The following UBP1 variants were observed in gnomAD, a reference collection of about 807,000 sequenced individuals.
UBP1 encodes the protein upstream binding protein 1.
Under a neutral mutation model 76.1 loss-of-function variants are expected in UBP1, and 22 were observed. The ratio of observed to expected loss-of-function variants is 0.29; its 90% CI spans 0.21 to 0.41. The LOEUF (loss-of-function observed/expected upper bound fraction) is 0.41. Ranked by LOEUF, UBP1 falls within the 10% of genes least tolerant of loss-of-function variation. UBP1 has a pLI of 1.00. For missense variants in UBP1, 436 were observed against 668.1 expected, an observed-to-expected ratio of 0.65 and a Z score of 3.83; for synonymous variants, 224 against 237.1, an observed-to-expected ratio of 0.94 and a Z score of 0.51.
At chr3:33,440,432 G>A (rs1235269450), upstream of UBP1, 14 of 14,488 alleles carry the variant, frequency 9.7e-4, no homozygotes, top group East Asian at 0.011. Context: ...CCCCGACCCC[G>A]CCCCGGCGTT....
At position 33,400,256 on chromosome 3, in the gene UBP1, C is replaced by T; in HGVS notation, c.1113G>A (p.Gln371=). The T allele has an allele frequency of 1.2e-6, 2 of 1,600,828 alleles. No homozygotes were observed. Among genetic ancestry groups the T allele is most frequent in the South Asian group, 1.1e-5 (1 of 87,592 alleles). Residue 371 remains glutamine (Q), a synonymous_variant, in exon 11 of 16, where the codon CAG becomes CAA. Transcript: ENST00000283629. The part of the protein sequence containing the change: ...GEQIQPSATI[Q]ETQQWLLKNR... ...TTTTGAGCAGCCATTGCTGTGTTTC[C>T]TGGATCGTAGCTGAAGGCTGAATTT...
intron 3 of UBP1, 46 bp from the exon 4 acceptor site, chr3:33,412,873 T>A: frequency 8.0e-7 from 1 of 1,254,206 alleles, no homozygotes; most frequent in Non-Finnish European, 1.2e-6. Flanking sequence ...CTGCTCCAGC[T>A]AAAATGCAGG....
chr3:33,394,473 A>G (rs2043890397), intron 13 of UBP1, among the ~76,000 whole-genome samples: 1 of 151,778 alleles, frequency 6.6e-6, no homozygotes. Context: ...AAGCTAATAT[A>G]AACAATGAAG....
chr3:33,429,261 C>G lies in UBP1; in HGVS notation c.114-3520G>C, dbSNP rs535377322. Among the ~76,000 whole-genome samples, 17 of 152,242 alleles carry G rather than the reference C, an allele frequency of 1.1e-4. No individual in the cohort carries two copies. In the South Asian group the frequency reaches 3.5e-3, roughly 32 times the overall value. Reference sequence around the variant, plus strand: ...TTCTACTATGTTGAAAGTCCTAAAACCTTGATGGTTTTTGTAATCCCATAA... The same window carrying G: ...TTCTACTATGTTGAAAGTCCTAAAAGCTTGATGGTTTTTGTAATCCCATAA... On this transcript the variant is annotated intron_variant, in intron 1 of 15. Transcript: ENST00000283629.
chr3:33,416,150 G>A (rs1449426460), intron 3 of UBP1: 1 of 152,168 alleles, frequency 6.6e-6, no homozygotes, highest in Non-Finnish European at 1.5e-5. Flanking sequence ...CTAACACTTA[G>A]TTAGCCACAT....
Position 33,390,321 on chromosome 3 carries a change from A to G in UBP1, c.*10T>C, listed in dbSNP as rs1559661204. 1.9e-6 allele frequency: 3 copies of G among 1,613,714 alleles called. No homozygotes were observed. The highest frequency in any genetic ancestry group is 1.3e-5 in the African/African-American group (1 of 75,058). On this transcript the variant is annotated 3_prime_UTR_variant, in exon 16 of 16. Coordinates refer to ENST00000283629, the MANE Select transcript of UBP1 (RefSeq NM_014517.5). ...TTTGGTACTGAATACAGTTCAGTCT[A>G]TATAAGACATCACTTCAAAATTATG...
chr3:33,388,691 C>A lies in UBP1; in HGVS notation c.*1640G>T, dbSNP rs531556173. The A allele has an allele frequency of 1.3e-5, 2 of 151,968 alleles. No homozygotes were observed. Among genetic ancestry groups the A allele is most frequent in the Non-Finnish European group, 2.9e-5 (2 of 68,004 alleles). 9.4% of individuals were successfully genotyped at this position (151,968 alleles called of 1,614,324 possible). A position where few individuals can be genotyped will look rare whatever the true frequency, so the allele number is the denominator to read the frequency against. On this transcript the variant is annotated 3_prime_UTR_variant, in exon 16 of 16. Transcript: ENST00000283629. ...CTGGTACAGAAAACATGTGGTCACACGAAAGCAAAGGGAAAAAGTCAGAAA... is the reference window on the plus strand; with the variant it reads ...CTGGTACAGAAAACATGTGGTCACAAGAAAGCAAAGGGAAAAAGTCAGAAA...
rs1306753186 is a variant in UBP1 at position 33,439,963 on chromosome 3, C to T, written c.-115G>A. ...GCGGGTGAAGCCTCCGGAGGGGCGG[C>T]GAGTGGTCACCAGCGGCGGCCGGGA... On this transcript the variant is annotated 5_prime_UTR_variant, in exon 1 of 16. Coordinates refer to ENST00000283629, the MANE Select transcript of UBP1 (RefSeq NM_014517.5). 8 of 1,122,984 alleles carry T rather than the reference C, an allele frequency of 7.1e-6. No individual in the cohort carries two copies. The highest frequency in any genetic ancestry group is 1.7e-5 in the African/African-American group (1 of 60,362). 69.6% of individuals were successfully genotyped at this position (1,122,984 alleles called of 1,614,324 possible).
chr3:33,407,547 TA>T (rs35830232), intron 8 of UBP1, among the ~76,000 whole-genome samples: 18,969 of 135,474 alleles, frequency 0.14, 1,230 homozygotes, highest in African/African-American at 0.18. Flanking sequence ...CGAATTTATT[TA>T]AAAAAAAAAA....
At chr3:33,390,486 G>T in intron 15 of UBP1, 118 bp from the exon 16 acceptor site, 1 of 1,049,634 alleles carries the variant, frequency 9.5e-7, no homozygotes, top group East Asian at 2.5e-5. Flanking sequence ...ACCTTTAAAT[G>T]ATTCTAGAGA....
In UBP1 at chr3:33,390,513, TGC is replaced by T. The variant is rs2154053959; in HGVS notation, c.1586-147_1586-146del. 3.6e-6 allele frequency: 3 copies of T among 824,954 alleles called. 1 individual carries two copies. The South Asian group carries it at 5.1e-5, about 14-fold the overall frequency. The allele number at this position is 824,954 out of a possible 1,614,324, so 51.1% of individuals were successfully genotyped here. A position where few individuals can be genotyped will look rare whatever the true frequency, so the allele number is the denominator to read the frequency against. On this transcript the variant is annotated intron_variant, in intron 15 of 15. Transcript: ENST00000283629. ...TTCTAGAGAAACAAGCAGATTAACT[TGC>T]TCTAGCTCCTCTTCCCCCAAAAAAC...
At chr3:33,414,186 T>C (rs1184523567) in intron 3 of UBP1, 5 of 151,928 alleles carry the variant, frequency 3.3e-5, no homozygotes, top group African/African-American at 4.8e-5. Flanking sequence ...TCTAGCAGGT[T>C]TTCCAGTTTC....
At chr3:33,412,056 G>A (rs369911933) in intron 4 of UBP1, among the ~76,000 whole-genome samples, 2 of 151,888 alleles carry the variant, frequency 1.3e-5, no homozygotes, top group East Asian at 1.9e-4. Context: ...ACGCAGTGGC[G>A]CGTGCCTGTA....
chr3:33,396,328 T>G, intron 12 of UBP1, 48 bp from the exon 13 acceptor site: 3 of 1,375,664 alleles, frequency 2.2e-6, no homozygotes, highest in Non-Finnish European at 3.0e-6. Flanking sequence ...AAAGCTGCCT[T>G]ACACATGTAC....
At chr3:33,439,633 G>C (rs936908037) in intron 1 of UBP1, 103 bp downstream of exon 1, 14 of 1,297,084 alleles carry the variant, frequency 1.1e-5, no homozygotes, top group Admixed American at 2.4e-5. Context: ...CAGCCCAGGA[G>C]GCCCGCGCAC....
At chr3:33,433,216 A>G (rs2045143198) in intron 1 of UBP1, among the ~76,000 whole-genome samples, 1 of 150,814 alleles carries the variant, frequency 6.6e-6, no homozygotes, top group Non-Finnish European at 1.5e-5. Flanking sequence ...ACATGCCACC[A>G]TGCCTGGCTG....
At chr3:33,395,330 CT>C (rs397940588) in intron 13 of UBP1, among the ~76,000 whole-genome samples, 2,741 of 147,410 alleles carry the variant, frequency 0.019, 30 homozygotes, top group South Asian at 0.028. Flanking sequence ...ATTAACACAT[CT>C]TTTTTTTTTT....
chr3:33,423,230 G>C (rs1487868902), intron 2 of UBP1, among the ~76,000 whole-genome samples: 1 of 151,968 alleles, frequency 6.6e-6, no homozygotes, highest in African/African-American at 2.4e-5. Context: ...AGTAGAGACG[G>C]GGTTTCACCA....
At position 33,396,182 on chromosome 3, in the gene UBP1, T is replaced by C. The variant is rs760354466; in HGVS notation, c.1370A>G (p.Asn457Ser). 12 of 1,584,762 alleles carry C rather than the reference T, an allele frequency of 7.6e-6. No homozygotes were observed. The highest frequency in any genetic ancestry group is 5.2e-6 in the Non-Finnish European group (6 of 1,156,912). Residue 457 changes from asparagine (N) to serine (S), a missense_variant, in exon 13 of 16, where the codon AAT becomes AGT. Around this residue, in one of 3 missense-constraint regions of UBP1, gnomAD observed 210 missense variants for 272.8 expected, o/e 0.77. Coordinates refer to ENST00000283629, the MANE Select transcript of UBP1 (RefSeq NM_014517.5). ...QQQAASSASENGSGAPYVYHA... is the reference protein window; with the variant it reads ...QQQAASSASESGSGAPYVYHA... ...CCTACCATAGGGTGCCCCACTGCCATTCTCGCTTGCACTGCTTGCAGCTTG... is the reference window on the plus strand; with the variant it reads ...CCTACCATAGGGTGCCCCACTGCCACTCTCGCTTGCACTGCTTGCAGCTTG...
Sources: gnomAD v4.1 joint callset for allele counts (sites outside exome capture counted in the v4.1 genomes callset) on GRCh38, gnomAD v4.1.1 for gene constraint, gnomAD v4.1.1 regional missense constraint, MANE v1.5 for transcripts, NCBI Gene and HGNC (gene_info 2026-07-23, HGNC 2026-07-21) for gene names.